Variants in SGCZ observed in about 807,000 individuals in gnomAD.
SGCZ encodes the protein zeta-sarcoglycan.
Under a neutral mutation model 41.3 loss-of-function variants are expected in SGCZ, and 40 were observed. That is an observed-to-expected ratio of 0.97 (90% CI 0.75 to 1.26). The LOEUF (loss-of-function observed/expected upper bound fraction) is 1.26. Among genes scored for constraint, SGCZ ranks in the 50% most tolerant of loss-of-function variants. The pLI, the probability that SGCZ is intolerant of heterozygous loss-of-function variation, is 0.00. For missense variants in SGCZ, 552 were observed against 369.8 expected, an observed-to-expected ratio of 1.49 and a Z score of -4.04; for synonymous variants, 206 against 137.5, an observed-to-expected ratio of 1.50 and a Z score of -3.49.
chr8:14,770,654 T>C (rs1055682347), intron 1 of SGCZ, among the ~76,000 whole-genome samples: 3 of 152,168 alleles, frequency 2.0e-5, no homozygotes, highest in African/African-American at 4.8e-5. Context: ...CCATTATGTA[T>C]TTACTCATTC....
chr8:15,015,156 T>C (rs1028668244), intron 1 of SGCZ, among the ~76,000 whole-genome samples: 3 of 151,960 alleles, frequency 2.0e-5, no homozygotes, highest in Non-Finnish European at 4.4e-5. Flanking sequence ...GGTGGAAGGA[T>C]TGCTTGAACC....
intron 1 of SGCZ, among the ~76,000 whole-genome samples, chr8:14,997,950 ACT>A (rs373629153): frequency 1.2e-3 from 178 of 151,542 alleles, no homozygotes; most frequent in African/African-American, 4.0e-3. Flanking sequence ...AAAGAGTGAG[ACT>A]CTGTCACAAA....
chr8:14,451,716 C>G (rs1176045297), intron 2 of SGCZ, among the ~76,000 whole-genome samples: 1 of 152,154 alleles, frequency 6.6e-6, no homozygotes, highest in Non-Finnish European at 1.5e-5. Flanking sequence ...GCATGATATA[C>G]AAGTGGCAAG....
intron 1 of SGCZ, among the ~76,000 whole-genome samples, chr8:15,038,945 C>T (rs894349795): frequency 1.6e-4 from 24 of 151,928 alleles, no homozygotes; most frequent in Non-Finnish European, 3.1e-4. Flanking sequence ...TACCTCATAC[C>T]TGCTAGGATG....
intron 1 of SGCZ, among the ~76,000 whole-genome samples, chr8:15,101,785 C>G (rs978570647): frequency 6.6e-6 from 1 of 152,142 alleles, no homozygotes; most frequent in African/African-American, 2.4e-5. Context: ...TAAAAATTAG[C>G]TGGGCATGGT....
intron 2 of SGCZ, among the ~76,000 whole-genome samples, chr8:14,462,175 A>G (rs1239992622): frequency 6.6e-6 from 1 of 152,022 alleles, no homozygotes; most frequent in Non-Finnish European, 1.5e-5. Context: ...TCCAATTGGA[A>G]TAATAATTAG....
intron 1 of SGCZ, among the ~76,000 whole-genome samples, chr8:15,222,376 G>A (rs539411999): frequency 3.3e-5 from 5 of 152,048 alleles, no homozygotes; most frequent in Middle Eastern, 3.4e-3. Context: ...CAAGAGTCCA[G>A]CATTAATGAC....
At chr8:15,083,987 C>CA (rs5889561) in intron 1 of SGCZ, among the ~76,000 whole-genome samples, 24,410 of 152,000 alleles carry the variant, frequency 0.16, 2,418 homozygotes, top group East Asian at 0.29. Context: ...TATCATTTTG[C>CA]AAAAAATTAA....
At chr8:14,124,512 G>C (rs970394932) in intron 5 of SGCZ, among the ~76,000 whole-genome samples, 8 of 152,198 alleles carry the variant, frequency 5.3e-5, no homozygotes, top group African/African-American at 1.9e-4. Flanking sequence ...CTAAAATAGT[G>C]CTTCTCAAAT....
chr8:14,712,613 C>T (rs1029964948), intron 1 of SGCZ, among the ~76,000 whole-genome samples: 1 of 152,086 alleles, frequency 6.6e-6, no homozygotes, highest in Non-Finnish European at 1.5e-5. Flanking sequence ...CATGACTTGA[C>T]AAGGGAAGCA....
chr8:14,099,921 A>C (rs1488538099), intron 7 of SGCZ, among the ~76,000 whole-genome samples: 2 of 152,122 alleles, frequency 1.3e-5, no homozygotes, highest in Non-Finnish European at 2.9e-5. Context: ...AGAATTTCAC[A>C]TACAATTTCA....
chr8:14,817,295 G>T lies in SGCZ; in HGVS notation c.40-262369C>A, dbSNP rs114317471. On this transcript the variant is annotated intron_variant, in intron 1 of 7. Transcript: ENST00000382080. ...CATCATGGAGGATTTTGTCTTACAG[G>T]GAAAAGGTAAGCAGATCTCCGGTGG... 3.0e-3 allele frequency among the ~76,000 whole-genome samples: 460 copies of T among 152,060 alleles called. 5 individuals carry two copies. The highest frequency in any genetic ancestry group is 0.011 in the African/African-American group (438 of 41,488).
intron 1 of SGCZ, among the ~76,000 whole-genome samples, chr8:14,743,944 C>G (rs1011274658): frequency 6.6e-6 from 1 of 152,072 alleles, no homozygotes; most frequent in African/African-American, 2.4e-5. Flanking sequence ...GACAGGTTTT[C>G]TTTGCCTGTT....
At chr8:14,112,603 A>T (rs570175652) in intron 5 of SGCZ, among the ~76,000 whole-genome samples, 1 of 152,098 alleles carries the variant, frequency 6.6e-6, no homozygotes, top group South Asian at 2.1e-4. Flanking sequence ...CCCAAATCTA[A>T]ATTGGTACTA....
intron 2 of SGCZ, among the ~76,000 whole-genome samples, chr8:14,373,625 G>C (rs1212630679): frequency 2.0e-5 from 3 of 152,158 alleles, no homozygotes; most frequent in Admixed American, 6.5e-5. Context: ...TTGAAGGAAA[G>C]AATGAAGAAC....
At chr8:14,812,787 G>A (rs1049957506) in intron 1 of SGCZ, among the ~76,000 whole-genome samples, 1 of 152,114 alleles carries the variant, frequency 6.6e-6, no homozygotes, top group South Asian at 2.1e-4. Context: ...AGTTATTGCT[G>A]TGAGTCTTAT....
At chr8:14,231,130 A>G (rs1806551170) in intron 4 of SGCZ, among the ~76,000 whole-genome samples, 1 of 139,062 alleles carries the variant, frequency 7.2e-6, no homozygotes, top group South Asian at 2.3e-4. Context: ...TTTGCTTCCT[A>G]GTACTTTCCT....
intron 2 of SGCZ, among the ~76,000 whole-genome samples, chr8:14,496,367 C>T (rs1041689449): frequency 3.3e-5 from 5 of 152,104 alleles, no homozygotes; most frequent in African/African-American, 1.2e-4. Context: ...ACATGCCTGG[C>T]CTCCTCTAGC....
chr8:14,233,753 A>G (rs1806656307), intron 4 of SGCZ, among the ~76,000 whole-genome samples: 1 of 151,504 alleles, frequency 6.6e-6, no homozygotes, highest in South Asian at 2.1e-4. Flanking sequence ...ACACACCTAA[A>G]GTCAAACACT....
Sources: gnomAD v4.1 joint callset for allele counts (sites outside exome capture counted in the v4.1 genomes callset) on GRCh38, gnomAD v4.1.1 for gene constraint, MANE v1.5 for transcripts, NCBI Gene and HGNC (gene_info 2026-07-23, HGNC 2026-07-21) for gene names.